The following WNT7B variants were observed in gnomAD, a reference collection of about 807,000 sequenced individuals.
WNT7B encodes the protein protein Wnt-7b.
A neutral mutation model predicts 38.2 loss-of-function variants in WNT7B; 19 were observed. That is an observed-to-expected ratio of 0.50 (90% CI 0.35 to 0.73). The LOEUF is 0.73. Among genes scored for constraint, WNT7B ranks in the 30% least tolerant of loss-of-function variants. The pLI, the probability that WNT7B is intolerant of heterozygous loss-of-function variation, is 0.01. For missense variants in WNT7B, 423 were observed against 507.9 expected (o/e 0.83, Z 1.61); for synonymous variants, 243 against 209.3 (o/e 1.16, Z -1.39).
At chr22:45,953,214 GTCACCGTGTCCTCGGCTTCCCC>G (rs1931977902) in intron 1 of WNT7B, among the ~76,000 whole-genome samples, 1 of 53,878 alleles carries the variant, frequency 1.9e-5, no homozygotes, top group Non-Finnish European at 3.4e-5. Flanking sequence ...TCCCCTCACA[GTCACCGTGTCCTCGGCTTCCCC>G]TCACAGTCAC....
At chr22:45,959,856 G>C (rs2146743790) in intron 1 of WNT7B, among the ~76,000 whole-genome samples, 1 of 152,228 alleles carries the variant, frequency 6.6e-6, no homozygotes, top group East Asian at 1.9e-4. Context: ...CCGTGGGGGA[G>C]ACACGAGATC....
In WNT7B at chr22:45,923,276, G is replaced by C. The variant is rs769391653; in HGVS notation, c.630C>G (p.Thr210=). Residue 210 remains threonine (T), a synonymous_variant, in exon 4 of 4, where the codon ACC becomes ACG. Transcript: ENST00000339464. ...GCAGCGTGGTCCAGCAGGTTTTGGT[G>C]GTGCAGGAGCCAGACACGCCGTGGC... The part of the protein sequence containing the change: ...CKCHGVSGSC[T]TKTCWTTLPK... 3 of 1,613,264 alleles carry C rather than the reference G, an allele frequency of 1.9e-6. No individual in the cohort carries two copies. In the African/African-American group the frequency reaches 4.0e-5, roughly 22 times the overall value.
At chr22:45,946,365 C>T (rs1005779096) in intron 2 of WNT7B, among the ~76,000 whole-genome samples, 4 of 152,206 alleles carry the variant, frequency 2.6e-5, no homozygotes, top group African/African-American at 4.8e-5. Context: ...TGCTGACATC[C>T]CTGATTCGAT....
intron 1 of WNT7B, among the ~76,000 whole-genome samples, chr22:45,956,998 C>T (rs1188071954): frequency 6.6e-6 from 1 of 151,390 alleles, no homozygotes; most frequent in Non-Finnish European, 1.5e-5. Context: ...CCCAGCTACT[C>T]AGGAAGCTGA....
chr22:45,945,499 T>A (rs1180024223), intron 2 of WNT7B, among the ~76,000 whole-genome samples: 2 of 152,234 alleles, frequency 1.3e-5, no homozygotes, highest in Non-Finnish European at 2.9e-5. Context: ...GGGATTTGAG[T>A]CTTCAAAATC....
intron 2 of WNT7B, among the ~76,000 whole-genome samples, chr22:45,947,155 A>G (rs1315276760): frequency 1.3e-5 from 2 of 152,176 alleles, no homozygotes; most frequent in African/African-American, 4.8e-5. Flanking sequence ...CTTGGGGAGG[A>G]GAGAGGAGTC....
intron 2 of WNT7B, among the ~76,000 whole-genome samples, chr22:45,947,673 G>A (rs966935143): frequency 1.4e-4 from 22 of 152,222 alleles, no homozygotes; most frequent in African/African-American, 5.3e-4. Flanking sequence ...GGGCCCAGAA[G>A]CCAGGGAAGA....
chr22:45,928,612 C>G (rs56398559), intron 3 of WNT7B, among the ~76,000 whole-genome samples: 4 of 139,612 alleles, frequency 2.9e-5, no homozygotes, highest in East Asian at 2.0e-4. Context: ...CATCACCAGC[C>G]GCCTTGTTTT....
chr22:45,928,445 T>C (rs117108395), intron 3 of WNT7B, among the ~76,000 whole-genome samples: 2 of 152,126 alleles, frequency 1.3e-5, no homozygotes, highest in East Asian at 3.9e-4. Flanking sequence ...TTGCACCCAC[T>C]GTGCAGATGA....
chr22:45,931,605 G>A (rs1482564619), intron 2 of WNT7B, among the ~76,000 whole-genome samples: 1 of 135,470 alleles, frequency 7.4e-6, no homozygotes, highest in African/African-American at 2.5e-5. Flanking sequence ...CCCTGTGAGT[G>A]CCTGGTACAC....
At chr22:45,950,714 A>C (rs1931912264) in intron 1 of WNT7B, among the ~76,000 whole-genome samples, 1 of 152,142 alleles carries the variant, frequency 6.6e-6, no homozygotes, top group Non-Finnish European at 1.5e-5. Context: ...TCTGAGCCTC[A>C]GTTTCCACAC....
chr22:45,945,214 G>A (rs896358208), intron 2 of WNT7B, among the ~76,000 whole-genome samples: 2 of 152,062 alleles, frequency 1.3e-5, no homozygotes, highest in African/African-American at 4.8e-5. Flanking sequence ...CTCCTGAGTA[G>A]CTGGGAGTAC....
chr22:45,949,476 A>AC (rs1173807642), intron 2 of WNT7B, among the ~76,000 whole-genome samples: 1 of 151,292 alleles, frequency 6.6e-6, no homozygotes, highest in Non-Finnish European at 1.5e-5. Context: ...TGCCCCAACT[A>AC]CCCCCTGCAG....
At chr22:45,961,389 G>A (rs1932193649) in intron 1 of WNT7B, among the ~76,000 whole-genome samples, 1 of 152,208 alleles carries the variant, frequency 6.6e-6, no homozygotes, top group South Asian at 2.1e-4. Context: ...CACCTGTGGG[G>A]GAGGGACAGG....
chr22:45,926,881 G>C, intron 3 of WNT7B: 1 of 985,444 alleles, frequency 1.0e-6, no homozygotes, highest in Non-Finnish European at 1.2e-6. Flanking sequence ...CTCCCATTAG[G>C]ACGGTGTGAA....
intron 2 of WNT7B, among the ~76,000 whole-genome samples, chr22:45,937,497 GTGTGACACACGACACATTTGGGA>G (rs1931541815): frequency 1.3e-5 from 2 of 152,200 alleles, no homozygotes; most frequent in Admixed American, 6.5e-5. Flanking sequence ...ATGCCTGTAG[GTGTGACACACGACACATTTGGGA>G]TCTTCGTGGG....
chr22:45,927,545 G>T, intron 3 of WNT7B: 1 of 1,475,010 alleles, frequency 6.8e-7, no homozygotes, highest in Non-Finnish European at 9.3e-7. Context: ...ACAACGGAGA[G>T]GAGGTCACCC....
At chr22:45,972,558 C>T (rs1932472844) in intron 1 of WNT7B, 1 of 159,916 alleles carries the variant, frequency 6.3e-6, no homozygotes, top group African/African-American at 2.4e-5. Flanking sequence ...CGCTCTGGCT[C>T]ACTTCTCCAA....
intron 1 of WNT7B, among the ~76,000 whole-genome samples, chr22:45,968,336 C>T (rs1373312515): frequency 6.6e-6 from 1 of 152,164 alleles, no homozygotes; most frequent in East Asian, 1.9e-4. Context: ...CTGAGAATGG[C>T]CTGTCTCCTG....
Sources: gnomAD v4.1 joint callset for allele counts (sites outside exome capture counted in the v4.1 genomes callset) on GRCh38, gnomAD v4.1.1 for gene constraint, MANE v1.5 for transcripts, NCBI Gene and HGNC (gene_info 2026-07-23, HGNC 2026-07-21) for gene names.